FLT4: variants seen among roughly 807,000 people sequenced by gnomAD.
The protein encoded by FLT4 is fms related receptor tyrosine kinase 4, also known as vascular endothelial growth factor receptor 3.
A neutral mutation model predicts 163.2 loss-of-function variants in FLT4; 30 were observed. The ratio of observed to expected loss-of-function variants is 0.18; its 90% CI spans 0.14 to 0.25. FLT4 has a LOEUF of 0.25. Among genes scored for constraint, FLT4 ranks in the 10% least tolerant of loss-of-function variants. The pLI is 1.00. For missense variants in FLT4, 1,510 were observed against 1,863.8 expected (o/e 0.81, Z 3.50); for synonymous variants, 884 against 789.5 (o/e 1.12, Z -2.01).
At chr5:180,637,682 G>A (rs1010388760) in intron 1 of FLT4, among the ~76,000 whole-genome samples, 6 of 152,096 alleles carry the variant, frequency 3.9e-5, no homozygotes, top group Non-Finnish European at 5.9e-5. Flanking sequence ...ACAGGCATGC[G>A]CCATCACGCC....
chr5:180,617,032 C>T, intron 21 of FLT4, 38 bp from the exon 22 acceptor site: 6 of 1,453,090 alleles, frequency 4.1e-6, no homozygotes, highest in Non-Finnish European at 5.8e-6. Flanking sequence ...GAGGCGCCTC[C>T]TCCGCGGCCT....
chr5:180,616,300 C>T, intron 23 of FLT4, 67 bp downstream of exon 23: 1 of 1,604,744 alleles, frequency 6.2e-7, no homozygotes, highest in Non-Finnish European at 8.5e-7. Flanking sequence ...CCTGGACAGG[C>T]AGTCTGTGGT....
intron 1 of FLT4, among the ~76,000 whole-genome samples, chr5:180,647,629 C>T (rs1200814073): frequency 2.0e-5 from 3 of 151,802 alleles, no homozygotes; most frequent in Non-Finnish European, 2.9e-5. Context: ...CTTGTGCTTC[C>T]GCCATGGCAT....
chr5:180,613,440 A>C, intron 24 of FLT4: 1 of 328,962 alleles, frequency 3.0e-6, no homozygotes. Flanking sequence ...AGGCAGTTTC[A>C]ACAAAGCCTC....
At chr5:180,607,662 C>CATAT (rs138060505) in intron 29 of FLT4, among the ~76,000 whole-genome samples, 2,982 of 147,516 alleles carry the variant, frequency 0.02, 63 homozygotes, top group African/African-American at 0.05. Context: ...TACATACATA[C>CATAT]ATATATATAT....
chr5:180,612,967 A>G, intron 25 of FLT4, 44 bp downstream of exon 25: 1 of 1,488,808 alleles, frequency 6.7e-7, no homozygotes. Context: ...CACGCCCCCG[A>G]CGCTTGCTGT....
In FLT4 at chr5:180,620,705, A is replaced by G; in HGVS notation, c.2310T>C (p.Asp770=). ...GGATCACGATCTCCATGCTGCCCTTATCCTCGGAGCCTGCGTGGGCAGAAA... is the reference window on the plus strand; with the variant it reads ...GGATCACGATCTCCATGCTGCCCTTGTCCTCGGAGCCTGCGTGGGCAGAAA... ...SASVAVEGSE[D]KGSMEIVILV... is the part of the protein sequence containing the mutation. Residue 770 remains aspartate (D), a synonymous_variant, in exon 16 of 30, where the codon GAT becomes GAC. Coordinates refer to ENST00000261937, the MANE Select transcript of FLT4 (RefSeq NM_182925.5). The surrounding 1 kb of genome is among the most constrained non-coding windows in gnomAD (Gnocchi z 4.4). 6.2e-7 allele frequency: 1 copy of G among 1,613,312 alleles called. No homozygotes were observed. The highest frequency in any genetic ancestry group is 8.5e-7 in the Non-Finnish European group (1 of 1,179,898).
At position 180,644,510 on chromosome 5, in the gene FLT4, C is replaced by T. The variant is rs566168811; in HGVS notation, c.58+4978G>A. ...GCCTGTGTGCCTGCCCCTTCTTTCC[C>T]GCTTGGCCCCCATGCTATTTGGAAC... On this transcript the variant is annotated intron_variant, in intron 1 of 29. Transcript: ENST00000261937. Among the ~76,000 whole-genome samples the T allele has an allele frequency of 1.1e-4, 16 of 152,334 alleles. No homozygotes were observed. In the East Asian group the frequency reaches 2.5e-3, roughly 24 times the overall value.
intron 23 of FLT4, 140 bp downstream of exon 23, chr5:180,616,227 A>C: frequency 8.2e-7 from 1 of 1,219,216 alleles, no homozygotes; most frequent in Non-Finnish European, 1.2e-6. Flanking sequence ...GAGGTCCACC[A>C]GCAGCTGGGC....
At chr5:180,629,095 C>A in intron 7 of FLT4, 96 bp from the exon 8 acceptor site, 1 of 1,439,986 alleles carries the variant, frequency 6.9e-7, no homozygotes, top group Non-Finnish European at 9.8e-7. Flanking sequence ...GGCAGCCGGA[C>A]ATCCGCAGAC....
intron 23 of FLT4, among the ~76,000 whole-genome samples, chr5:180,614,455 G>A (rs899354086): frequency 7.9e-5 from 12 of 152,008 alleles, no homozygotes; most frequent in Admixed American, 5.9e-4. Context: ...GAGGGGTATC[G>A]GGGTAGACTG....
intron 27 of FLT4, among the ~76,000 whole-genome samples, chr5:180,610,792 T>A (rs189518725): frequency 6.6e-6 from 1 of 152,342 alleles, no homozygotes; most frequent in Admixed American, 6.5e-5. Context: ...GCGCAGTGGC[T>A]CACGCCTGTA....
chr5:180,606,148 C>A (rs533005948), intron 29 of FLT4, among the ~76,000 whole-genome samples: 6 of 152,330 alleles, frequency 3.9e-5, no homozygotes, highest in African/African-American at 1.2e-4. Context: ...GCTGCCGATA[C>A]AGGGTGGTGC....
At chr5:180,616,843 G>T in intron 22 of FLT4, 57 bp downstream of exon 22, 2 of 1,339,670 alleles carry the variant, frequency 1.5e-6, no homozygotes, top group Non-Finnish European at 2.1e-6. Flanking sequence ...AGCACTTCTT[G>T]GCGACTGGTG....
chr5:180,622,892 G>C, intron 11 of FLT4, 53 bp from the exon 12 acceptor site: 1 of 1,267,726 alleles, frequency 7.9e-7, no homozygotes, highest in Non-Finnish European at 1.1e-6. Flanking sequence ...CTCCCAACCT[G>C]GGCCCTGTCT....
intron 1 of FLT4, among the ~76,000 whole-genome samples, chr5:180,639,706 C>T (rs902401121): frequency 3.3e-5 from 5 of 152,198 alleles, no homozygotes; most frequent in Non-Finnish European, 1.5e-5. Flanking sequence ...GCTCCCTGGG[C>T]AGATTCAGGC....
In FLT4 at chr5:180,608,956, C is replaced by T. The variant is rs757915167; in HGVS notation, c.3893+12G>A. 2.3e-5 allele frequency: 37 copies of T among 1,610,736 alleles called. No individual in the cohort carries two copies. The highest frequency in any genetic ancestry group is 1.8e-4 in the South Asian group (16 of 91,030). On this transcript the variant is annotated intron_variant, in intron 29 of 29. Coordinates refer to ENST00000261937, the MANE Select transcript of FLT4 (RefSeq NM_182925.5). Reference sequence around the variant, plus strand: ...CGATACCTGCAGTGCAGGAGGCTCACGAAGCCCTTACCTGAAGCCGCTTTC... The same window carrying T: ...CGATACCTGCAGTGCAGGAGGCTCATGAAGCCCTTACCTGAAGCCGCTTTC...
chr5:180,616,606 G>T, intron 22 of FLT4, 117 bp from the exon 23 acceptor site: 2 of 1,156,340 alleles, frequency 1.7e-6, no homozygotes, highest in Non-Finnish European at 1.3e-6. Context: ...TGCCTGAACT[G>T]TGCTCCTTTG....
chr5:180,621,729 C>T lies in FLT4; in HGVS notation c.1833G>A (p.Lys611=), dbSNP rs1267970737. The T allele has an allele frequency of 1.2e-6, 2 of 1,612,932 alleles. No individual in the cohort carries two copies. Among genetic ancestry groups the T allele is most frequent in the African/African-American group, 2.7e-5 (2 of 74,946 alleles). Residue 611 remains lysine (K), a synonymous_variant, in exon 13 of 30, where the codon AAG becomes AAA. Transcript: ENST00000261937. The part of the protein sequence containing the change: ...AHGNPLLLDC[K]NVHLFATPLA... ...GAGGGGTGGCGAACAGATGCACGTT[C>T]TTGCAGTCGAGCAGAAGCGGGTTCC...
Sources: allele counts gnomAD v4.1 joint callset (sites outside exome capture counted in the v4.1 genomes callset), GRCh38; gene constraint gnomAD v4.1.1; non-coding constraint Gnocchi (gnomAD v3.1); transcripts MANE v1.5; gene names NCBI Gene and HGNC (gene_info 2026-07-23, HGNC 2026-07-21).